The following MLIP variants were observed in gnomAD, a reference collection of about 807,000 sequenced individuals.
MLIP encodes the protein muscular LMNA interacting protein.
Under a neutral mutation model 84.8 loss-of-function variants are expected in MLIP, and 79 were observed. The observed-to-expected ratio is 0.93, with a 90% CI of 0.78 to 1.12. The LOEUF (loss-of-function observed/expected upper bound fraction) is 1.12. MLIP is among the 50% of genes most tolerant of loss of function. The pLI is 0.00. For synonymous variants in MLIP, 504 were observed against 463.0 expected (o/e 1.09, Z -1.14); for missense variants, 1,257 against 1,160.6 (o/e 1.08, Z -1.21).
chr6:54,140,392 G>A (rs1772189915), intron 4 of MLIP, among the ~76,000 whole-genome samples: 1 of 152,084 alleles, frequency 6.6e-6, no homozygotes, highest in Non-Finnish European at 1.5e-5. Context: ...AAAATTTTCA[G>A]CATTTGCTTT....
intron 11 of MLIP, among the ~76,000 whole-genome samples, chr6:54,220,775 T>C (rs927052951): frequency 1.3e-5 from 2 of 152,166 alleles, no homozygotes; most frequent in African/African-American, 4.8e-5. Flanking sequence ...AAAAATTTGT[T>C]CTCTAAAGTA....
rs1253432975 is a variant in MLIP at position 54,138,290 on chromosome 6, T to G, written c.2217+4T>G. The G allele has an allele frequency of 6.5e-7, 1 of 1,532,024 alleles. No individual in the cohort carries two copies. The highest frequency in any genetic ancestry group is 1.2e-5 in the South Asian group (1 of 83,862). The allele number at this position is 1,532,024 out of a possible 1,614,324, so 94.9% of individuals were successfully genotyped here. A position where few individuals can be genotyped will look rare whatever the true frequency, so the allele number is the denominator to read the frequency against. Reference sequence around the variant, plus strand: ...CCCAGAAAATAAGAAATCAAAGGTATTTTTTGCATGTTGCATGGTGCATGC... The same window carrying G: ...CCCAGAAAATAAGAAATCAAAGGTAGTTTTTGCATGTTGCATGGTGCATGC... On this transcript the variant is annotated splice_donor_region_variant and intron_variant, in intron 4 of 13. Coordinates refer to ENST00000502396, the MANE Select transcript of MLIP (RefSeq NM_001281747.2).
intron 12 of MLIP, among the ~76,000 whole-genome samples, chr6:54,236,777 TA>T (rs2150822575): frequency 1.3e-5 from 2 of 152,170 alleles, no homozygotes; most frequent in South Asian, 4.2e-4. Context: ...AAAGAGAAAA[TA>T]AGTATGTTAG....
chr6:54,137,659 T>G lies in MLIP; in HGVS notation c.1590T>G (p.Thr530=), dbSNP rs368911145. ...ATGTAGAGAGAACACCATCACCTAC[T>G]TTGAAGAGCAATACCATGCTCTCCC... The part of the protein sequence containing the change: ...SMNVERTPSP[T]LKSNTMLSLL... Residue 530 remains threonine, a synonymous_variant, in exon 4 of 14, where the codon ACT becomes ACG. Transcript: ENST00000502396. The G allele has an allele frequency of 2.2e-3, 3,369 of 1,536,070 alleles. 92 individuals are homozygous for G. In the South Asian group the frequency reaches 0.036, roughly 17 times the overall value.
At chr6:54,252,115 A>ATATAAAT (rs1562109846) in intron 12 of MLIP, among the ~76,000 whole-genome samples, 39 of 96,442 alleles carry the variant, frequency 4.0e-4, no homozygotes, top group East Asian at 2.1e-3. Context: ...ATAATATATA[A>ATATAAAT]CTATATTATA....
At chr6:54,034,794 A>G (rs148549134) in intron 1 of MLIP, among the ~76,000 whole-genome samples, 1 of 152,308 alleles carries the variant, frequency 6.6e-6, no homozygotes, top group African/African-American at 2.4e-5. Context: ...TATAAAGTCT[A>G]CAGTAGTGTA....
At chr6:54,132,640 A>T (rs751200979) in intron 3 of MLIP, among the ~76,000 whole-genome samples, 4 of 152,180 alleles carry the variant, frequency 2.6e-5, no homozygotes, top group Non-Finnish European at 5.9e-5. Flanking sequence ...CAGTAGAGGA[A>T]GCCAAGGTCC....
At chr6:54,236,709 C>T (rs2150822403) in intron 12 of MLIP, among the ~76,000 whole-genome samples, 1 of 152,224 alleles carries the variant, frequency 6.6e-6, no homozygotes, top group Non-Finnish European at 1.5e-5. Flanking sequence ...GGCCCCTAAG[C>T]ATAGTGTTGA....
intron 1 of MLIP, among the ~76,000 whole-genome samples, chr6:54,040,419 A>G (rs992959867): frequency 1.3e-5 from 2 of 151,932 alleles, no homozygotes; most frequent in Admixed American, 1.3e-4. Flanking sequence ...AAAATAACAG[A>G]TGTTGGCAAG....
intron 1 of MLIP, among the ~76,000 whole-genome samples, chr6:54,073,910 A>G (rs1165461069): frequency 6.6e-6 from 1 of 152,238 alleles, no homozygotes; most frequent in South Asian, 2.1e-4. Context: ...TTCAAGGCTT[A>G]TCAGATCAGA....
At chr6:54,099,858 T>C (rs1246329024) in intron 1 of MLIP, among the ~76,000 whole-genome samples, 2 of 152,142 alleles carry the variant, frequency 1.3e-5, no homozygotes, top group Non-Finnish European at 2.9e-5. Context: ...TACAGCTTCA[T>C]TTTATGAAGA....
chr6:54,207,334 C>G (rs988135071), intron 11 of MLIP, among the ~76,000 whole-genome samples: 1 of 151,218 alleles, frequency 6.6e-6, no homozygotes, highest in Non-Finnish European at 1.5e-5. Context: ...CTTTTTGAGA[C>G]AATATTTGCC....
intron 1 of MLIP, among the ~76,000 whole-genome samples, chr6:54,056,809 GA>G (rs1765687292): frequency 6.6e-6 from 1 of 152,100 alleles, no homozygotes; most frequent in Non-Finnish European, 1.5e-5. Context: ...AGAAAGAAAA[GA>G]ATTTTCTTAG....
In MLIP at chr6:54,266,094, A is replaced by C. The variant is rs917212493; in HGVS notation, c.*139A>C. On this transcript the variant is annotated 3_prime_UTR_variant, in exon 14 of 14. Coordinates refer to ENST00000502396, the MANE Select transcript of MLIP (RefSeq NM_001281747.2). ...AGCTGCAGTGCAGCAGAACCAAAAA[A>C]AAAGTTTGCTGCAATTATATAGCAT... 8.8e-6 allele frequency: 7 copies of C among 792,234 alleles called. No homozygotes were observed. The African/African-American group carries it at 1.2e-4, about 14-fold the overall frequency. 49.1% of individuals were successfully genotyped at this position (792,234 alleles called of 1,614,324 possible).
At chr6:54,087,059 C>T (rs629761) in intron 1 of MLIP, among the ~76,000 whole-genome samples, 97,631 of 152,086 alleles carry the variant, frequency 0.64, 34,684 homozygotes, top group Non-Finnish European at 0.81. Flanking sequence ...TTTTTGTGTT[C>T]AGCTCACTGT....
At chr6:54,160,681 C>G in intron 7 of MLIP, 59 bp from the exon 8 acceptor site, 1 of 1,500,046 alleles carries the variant, frequency 6.7e-7, no homozygotes, top group Non-Finnish European at 9.3e-7. Flanking sequence ...TGATGCCTCA[C>G]AGGCTTGTCC....
chr6:54,070,138 TGTGG>T (rs1766394324), intron 1 of MLIP, among the ~76,000 whole-genome samples: 6 of 152,204 alleles, frequency 3.9e-5, no homozygotes, highest in Admixed American at 3.3e-4. Context: ...AAGTGTTAAA[TGTGG>T]GCCATTGCTG....
At position 54,149,130 on chromosome 6, in the gene MLIP, C is replaced by A; in HGVS notation, c.2289+3C>A. On this transcript the variant is annotated splice_donor_region_variant and intron_variant, in intron 5 of 13. Coordinates refer to ENST00000502396, the MANE Select transcript of MLIP (RefSeq NM_001281747.2). ...ACACATTGCTTTTGGAACAGAAGGT[C>A]AGTGTTGGCTCAAAAACAGTGAATT... is the stretch of plus-strand genomic sequence containing the variant. 1 of 1,610,774 alleles carries A rather than the reference C, an allele frequency of 6.2e-7. No homozygotes were observed. Among genetic ancestry groups the A allele is most frequent in the South Asian group, 1.1e-5 (1 of 90,712 alleles).
chr6:54,081,404 G>T (rs369379785), intron 1 of MLIP, among the ~76,000 whole-genome samples: 29 of 149,728 alleles, frequency 1.9e-4, no homozygotes, highest in East Asian at 3.9e-4. Flanking sequence ...TTTTTTTTTT[G>T]TTTGTTTGTT....
Sources: allele counts gnomAD v4.1 joint callset (sites outside exome capture counted in the v4.1 genomes callset), GRCh38; gene constraint gnomAD v4.1.1; transcripts MANE v1.5; gene names NCBI Gene and HGNC (gene_info 2026-07-23, HGNC 2026-07-21).